Variants in PLCE1 observed in about 807,000 individuals in gnomAD.
PLCE1 encodes the protein phospholipase C epsilon 1, also known as 1-phosphatidylinositol 4,5-bisphosphate phosphodiesterase epsilon-1.
A neutral mutation model predicts 242.8 loss-of-function variants in PLCE1; 119 were observed. That is an observed-to-expected ratio of 0.49 (90% CI 0.42 to 0.57). The LOEUF (loss-of-function observed/expected upper bound fraction) is 0.57. Ranked by LOEUF, PLCE1 falls within the 20% of genes least tolerant of loss-of-function variation. The pLI is 0.00. For missense variants in PLCE1, 2,441 were observed against 2,788.8 expected, an observed-to-expected ratio of 0.88 and a Z score of 2.81; for synonymous variants, 945 against 1,017.4, an observed-to-expected ratio of 0.93 and a Z score of 1.35.
At chr10:94,323,538 T>C (rs934012957) in intron 30 of PLCE1, among the ~76,000 whole-genome samples, 1 of 152,264 alleles carries the variant, frequency 6.6e-6, no homozygotes, top group Non-Finnish European at 1.5e-5. Flanking sequence ...AAACACTACA[T>C]GGTAAGTCAC....
intron 2 of PLCE1, among the ~76,000 whole-genome samples, chr10:94,087,341 C>G (rs1056256020): frequency 8.0e-6 from 1 of 124,748 alleles, no homozygotes; most frequent in African/African-American, 3.6e-5. Flanking sequence ...CAGAGCGAGA[C>G]CCTGTCTCAA....
chr10:94,313,879 G>A (rs1395774484), intron 28 of PLCE1, among the ~76,000 whole-genome samples: 1 of 152,140 alleles, frequency 6.6e-6, no homozygotes, highest in Non-Finnish European at 1.5e-5. Flanking sequence ...TGCCCCTCCA[G>A]CCTAAGGCCT....
intron 3 of PLCE1, among the ~76,000 whole-genome samples, chr10:94,160,824 T>G (rs2047587785): frequency 6.6e-6 from 1 of 152,224 alleles, no homozygotes; most frequent in Non-Finnish European, 1.5e-5. Flanking sequence ...TTTCTCCATA[T>G]GGGTAGCCAG....
chr10:94,208,304 A>G (rs974751093), intron 4 of PLCE1, among the ~76,000 whole-genome samples: 3 of 152,234 alleles, frequency 2.0e-5, no homozygotes, highest in African/African-American at 7.2e-5. Context: ...TTCTTCCAGG[A>G]CAGCATCACC....
At position 94,132,263 on chromosome 10, in the gene PLCE1, C is replaced by T; in HGVS notation, c.1296C>T (p.Ala432=). 1 of 1,614,018 alleles carries T rather than the reference C, an allele frequency of 6.2e-7. No individual in the cohort carries two copies. The highest frequency in any genetic ancestry group is 8.5e-7 in the Non-Finnish European group (1 of 1,179,962). Reference sequence around the variant, plus strand: ...CCAAGCTCCCAGCCTCCGAGACAGCCCATGGAAGGATAAGCGTTGGTCCAT... The same window carrying T: ...CCAAGCTCCCAGCCTCCGAGACAGCTCATGGAAGGATAAGCGTTGGTCCAT... The part of the protein sequence containing the change: ...FLTKLPASET[A]HGRISVGPCL... Residue 432 remains alanine, a synonymous_variant, in exon 3 of 33, where the codon GCC becomes GCT. Transcript: ENST00000371380.
chr10:94,135,357 C>T (rs2046736152), intron 3 of PLCE1, among the ~76,000 whole-genome samples: 1 of 152,134 alleles, frequency 6.6e-6, no homozygotes, highest in African/African-American at 2.4e-5. Flanking sequence ...GGGTCTTGAA[C>T]TCTGATGGCC....
chr10:94,078,714 A>G (rs2135204319), intron 2 of PLCE1, among the ~76,000 whole-genome samples: 1 of 152,196 alleles, frequency 6.6e-6, no homozygotes, highest in Admixed American at 6.5e-5. Context: ...TGAACTCCTG[A>G]CCTCATGAAC....
At chr10:94,183,761 C>T (rs1433016743) in intron 4 of PLCE1, among the ~76,000 whole-genome samples, 5 of 152,122 alleles carry the variant, frequency 3.3e-5, no homozygotes, top group Non-Finnish European at 7.4e-5. Context: ...AGCTTTTACT[C>T]ATGGCGGGAG....
At chr10:94,147,132 G>A (rs558052799) in intron 3 of PLCE1, among the ~76,000 whole-genome samples, 1 of 151,898 alleles carries the variant, frequency 6.6e-6, no homozygotes, top group South Asian at 2.1e-4. Context: ...TTCAAGTTGA[G>A]GAGGCAGGGC....
intron 7 of PLCE1, among the ~76,000 whole-genome samples, chr10:94,240,058 C>G (rs1589402754): frequency 6.6e-6 from 1 of 152,132 alleles, no homozygotes; most frequent in South Asian, 2.1e-4. Flanking sequence ...ACCTGAGACC[C>G]AACATGATTT....
chr10:94,211,033 C>T (rs1379878020), intron 4 of PLCE1, among the ~76,000 whole-genome samples: 4 of 152,188 alleles, frequency 2.6e-5, no homozygotes, highest in Non-Finnish European at 5.9e-5. Context: ...ACAAGTCTGC[C>T]GCCACTGCCA....
At chr10:94,124,327 A>G (rs2046379949) in intron 2 of PLCE1, among the ~76,000 whole-genome samples, 1 of 149,168 alleles carries the variant, frequency 6.7e-6, no homozygotes, top group Admixed American at 6.7e-5. Flanking sequence ...GCAGTGAGCT[A>G]TGATTGTGCC....
intron 3 of PLCE1, among the ~76,000 whole-genome samples, chr10:94,163,785 T>C (rs2047699004): frequency 1.3e-5 from 2 of 152,210 alleles, no homozygotes; most frequent in African/African-American, 2.4e-5. Flanking sequence ...GTTTTTGCGG[T>C]GGCTGGTACC....
At chr10:94,026,987 T>C (rs1001452691) in intron 1 of PLCE1, among the ~76,000 whole-genome samples, 11 of 152,210 alleles carry the variant, frequency 7.2e-5, no homozygotes, top group Non-Finnish European at 1.6e-4. Flanking sequence ...GGTGATTTTA[T>C]TTCTATTTTA....
At chr10:94,165,019 G>C (rs1414576357) in intron 3 of PLCE1, among the ~76,000 whole-genome samples, 2 of 152,202 alleles carry the variant, frequency 1.3e-5, no homozygotes, top group Non-Finnish European at 2.9e-5. Context: ...GGAGTACCCG[G>C]CCGTGTGAGG....
intron 3 of PLCE1, among the ~76,000 whole-genome samples, chr10:94,154,881 AATATATATATATACAT>A (rs1374619838): frequency 1.4e-5 from 2 of 147,138 alleles, no homozygotes; most frequent in Admixed American, 1.4e-4. Flanking sequence ...CTCTATTTTA[AATATATATATATACAT>A]ATATATATAT....
Position 94,143,253 on chromosome 10 carries a change from G to A in PLCE1, c.1492+10794G>A, listed in dbSNP as rs376539462. The stretch of plus-strand genomic sequence containing the variant: ...TATCATCTCTATTTTATTCCCTCCA[G>A]AGTAGAAAGATGCTAAGCATTTACT... On this transcript the variant is annotated intron_variant, in intron 3 of 32. Coordinates refer to ENST00000371380, the MANE Select transcript of PLCE1 (RefSeq NM_016341.4). Among the ~76,000 whole-genome samples, 4 of 152,248 alleles carry A rather than the reference G, an allele frequency of 2.6e-5. No homozygotes were observed. In the East Asian group the frequency reaches 7.7e-4, roughly 29 times the overall value.
At chr10:94,310,388 A>T (rs910256546) in intron 27 of PLCE1, among the ~76,000 whole-genome samples, 1 of 151,954 alleles carries the variant, frequency 6.6e-6, no homozygotes, top group African/African-American at 2.4e-5. Flanking sequence ...CATTTGTATC[A>T]CCTGGGGAGC....
At chr10:94,098,505 G>T (rs972495437) in intron 2 of PLCE1, among the ~76,000 whole-genome samples, 1 of 152,042 alleles carries the variant, frequency 6.6e-6, no homozygotes, top group East Asian at 1.9e-4. Context: ...AAATATTTCC[G>T]AATTATGATT....
Sources: gnomAD v4.1 joint callset for allele counts (sites outside exome capture counted in the v4.1 genomes callset) on GRCh38, gnomAD v4.1.1 for gene constraint, MANE v1.5 for transcripts, NCBI Gene and HGNC (gene_info 2026-07-23, HGNC 2026-07-21) for gene names.